The following DLG2 variants were observed in gnomAD, a reference collection of about 807,000 sequenced individuals.
DLG2 encodes disks large homolog 2.
DLG2 carries 45 observed loss-of-function variants against 132.5 expected under a neutral mutation model. The observed-to-expected ratio is 0.34, with a 90% CI of 0.27 to 0.44. The LOEUF (loss-of-function observed/expected upper bound fraction) is 0.44. Among genes scored for constraint, DLG2 ranks in the 20% least tolerant of loss-of-function variants. DLG2 has a pLI of 1.00. For synonymous variants in DLG2, 424 were observed against 419.6 expected (o/e 1.01, Z -0.13); for missense variants, 1,045 against 1,196.9 (o/e 0.87, Z 1.87).
At chr11:85,468,178 T>G (rs1195455975) in intron 3 of DLG2, among the ~76,000 whole-genome samples, 2 of 152,150 alleles carry the variant, frequency 1.3e-5, no homozygotes, top group African/African-American at 4.8e-5. Flanking sequence ...ATTTTTTTTT[T>G]GCATCTATTT....
chr11:85,289,053 A>G (rs1435627285), intron 3 of DLG2, among the ~76,000 whole-genome samples: 1 of 151,588 alleles, frequency 6.6e-6, no homozygotes, highest in Non-Finnish European at 1.5e-5. Flanking sequence ...CCAAATGTGA[A>G]GAAGTGTTCT....
intron 6 of DLG2, among the ~76,000 whole-genome samples, chr11:84,601,803 A>G (rs2099577107): frequency 6.6e-6 from 1 of 152,100 alleles, no homozygotes; most frequent in African/African-American, 2.4e-5. Flanking sequence ...TATAGATAGA[A>G]TATTGGGAGA....
At chr11:84,158,760 C>G (rs1276561333) in intron 9 of DLG2, among the ~76,000 whole-genome samples, 1 of 151,964 alleles carries the variant, frequency 6.6e-6, no homozygotes, top group Non-Finnish European at 1.5e-5. Flanking sequence ...AAAAGAAAAG[C>G]AGAAACAAAA....
At chr11:83,643,194 C>T (rs372194405) in intron 18 of DLG2, among the ~76,000 whole-genome samples, 7 of 152,184 alleles carry the variant, frequency 4.6e-5, no homozygotes, top group Admixed American at 3.3e-4. Flanking sequence ...CCTGCCTACA[C>T]AACTACTTCC....
chr11:85,409,723 C>G (rs2089144053), intron 3 of DLG2, among the ~76,000 whole-genome samples: 1 of 151,798 alleles, frequency 6.6e-6, no homozygotes, highest in Non-Finnish European at 1.5e-5. Context: ...TGGGCTTGAA[C>G]TCTGGTTCTG....
intron 6 of DLG2, among the ~76,000 whole-genome samples, chr11:84,667,151 C>T (rs117754835): frequency 1.8e-3 from 280 of 152,114 alleles, no homozygotes; most frequent in Middle Eastern, 6.8e-3. Context: ...ATTTATGAGA[C>T]GACTTAAACA....
At chr11:85,597,103 T>C (rs1363586945) in intron 3 of DLG2, among the ~76,000 whole-genome samples, 1 of 151,996 alleles carries the variant, frequency 6.6e-6, no homozygotes, top group African/African-American at 2.4e-5. Flanking sequence ...ATATTTATCA[T>C]TCACTTAAAA....
intron 11 of DLG2, among the ~76,000 whole-genome samples, chr11:84,006,144 C>T (rs540790999): frequency 6.5e-4 from 99 of 151,606 alleles, no homozygotes; most frequent in Non-Finnish European, 1.3e-3. Flanking sequence ...TATTATTTGG[C>T]TGTAGAAAAA....
chr11:84,269,466 T>C lies in DLG2; in HGVS notation c.520-18175A>G, dbSNP rs570445313. On this transcript the variant is annotated intron_variant, in intron 7 of 27. Transcript: ENST00000376104. ...CAAACCTAGCTGAGACAGCCTTCCATGAAGCTTGCCCCTTCTCTGAATTCT... is the reference window on the plus strand; with the variant it reads ...CAAACCTAGCTGAGACAGCCTTCCACGAAGCTTGCCCCTTCTCTGAATTCT... 5.3e-5 allele frequency among the ~76,000 whole-genome samples: 8 copies of C among 152,330 alleles called. 1 individual carries two copies. Among genetic ancestry groups the C allele is most frequent in the Admixed American group, 4.6e-4 (7 of 15,304 alleles).
At chr11:84,199,955 G>A (rs887284282) in intron 8 of DLG2, among the ~76,000 whole-genome samples, 9 of 151,936 alleles carry the variant, frequency 5.9e-5, no homozygotes, top group African/African-American at 1.9e-4. Flanking sequence ...GAATTACAAA[G>A]AGGATAAATA....
intron 6 of DLG2, among the ~76,000 whole-genome samples, chr11:84,770,218 G>C (rs1003399236): frequency 6.6e-6 from 1 of 152,108 alleles, no homozygotes; most frequent in African/African-American, 2.4e-5. Context: ...ATGAGTAAAA[G>C]TTCCCTGAGG....
At chr11:84,993,559 G>C (rs1462586705) in intron 6 of DLG2, among the ~76,000 whole-genome samples, 1 of 152,142 alleles carries the variant, frequency 6.6e-6, no homozygotes, top group Non-Finnish European at 1.5e-5. Flanking sequence ...ATGGGCTTAA[G>C]ACTGTCCTTT....
intron 6 of DLG2, among the ~76,000 whole-genome samples, chr11:84,572,695 G>A (rs191180214): frequency 1.9e-3 from 285 of 152,036 alleles, no homozygotes; most frequent in Admixed American, 6.4e-3. Context: ...TGCCTGAGCC[G>A]TTTCTCAAGG....
At chr11:83,687,063 A>G (rs1214243915) in intron 18 of DLG2, among the ~76,000 whole-genome samples, 1 of 152,196 alleles carries the variant, frequency 6.6e-6, no homozygotes, top group African/African-American at 2.4e-5. Flanking sequence ...GATGGGAGTT[A>G]TGGTGCCACA....
At chr11:84,210,154 A>C (rs2096732532) in intron 8 of DLG2, among the ~76,000 whole-genome samples, 1 of 151,866 alleles carries the variant, frequency 6.6e-6, no homozygotes, top group South Asian at 2.1e-4. Context: ...ATGGTGGTAC[A>C]TGCCTGTAAT....
chr11:83,546,896 C>A (rs76849082), intron 19 of DLG2, among the ~76,000 whole-genome samples: 284 of 152,226 alleles, frequency 1.9e-3, no homozygotes, highest in African/African-American at 5.9e-3. Flanking sequence ...AGAGGAAATA[C>A]AGATTTGGAT....
At chr11:84,687,841 T>C (rs554890889) in intron 6 of DLG2, among the ~76,000 whole-genome samples, 20 of 152,268 alleles carry the variant, frequency 1.3e-4, no homozygotes, top group Non-Finnish European at 2.4e-4. Flanking sequence ...GAAACAAATA[T>C]CTAATCAGGA....
chr11:84,111,804 G>A lies in DLG2; in HGVS notation c.625-12757C>T, dbSNP rs565241615. Among the ~76,000 whole-genome samples, 8 of 152,226 alleles carry A rather than the reference G, an allele frequency of 5.3e-5. No homozygotes were observed. In the East Asian group the frequency reaches 1.5e-3, roughly 29 times the overall value. On this transcript the variant is annotated intron_variant, in intron 9 of 27. Coordinates refer to ENST00000376104, the MANE Select transcript of DLG2 (RefSeq NM_001142699.3). ...ATACATGGGGAACAGCATGAGTACG[G>A]CACAATATTTCCCATTTTCCATTGG... is the stretch of plus-strand genomic sequence containing the variant.
chr11:84,150,259 T>C (rs963852767), intron 9 of DLG2, among the ~76,000 whole-genome samples: 1 of 152,218 alleles, frequency 6.6e-6, no homozygotes, highest in Non-Finnish European at 1.5e-5. Context: ...GTTCTCCTGG[T>C]AGAGATCTTT....
Sources: allele counts gnomAD v4.1 joint callset (sites outside exome capture counted in the v4.1 genomes callset), GRCh38; gene constraint gnomAD v4.1.1; transcripts MANE v1.5; gene names NCBI Gene and HGNC (gene_info 2026-07-23, HGNC 2026-07-21).